NRCAM: variants seen among roughly 807,000 people sequenced by gnomAD.
The protein encoded by NRCAM is neuronal cell adhesion molecule.
In NRCAM, 83 loss-of-function variants were observed where a neutral mutation model predicts 156.5. The observed-to-expected ratio is 0.53, with a 90% CI of 0.44 to 0.64. NRCAM has a LOEUF of 0.64. Ranked by LOEUF, NRCAM falls within the 30% of genes least tolerant of loss-of-function variation. NRCAM has a pLI of 0.00. For synonymous variants in NRCAM, 538 were observed against 563.9 expected (o/e 0.95, Z 0.65); for missense variants, 1,417 against 1,597.3 (o/e 0.89, Z 1.92).
intron 1 of NRCAM, among the ~76,000 whole-genome samples, chr7:108,442,451 G>A (rs1359410365): frequency 6.6e-6 from 1 of 152,194 alleles, no homozygotes; most frequent in Non-Finnish European, 1.5e-5. Flanking sequence ...CCACAACACA[G>A]CCTATTTCCA....
At chr7:108,311,612 T>C (rs1235443766) in intron 3 of NRCAM, among the ~76,000 whole-genome samples, 1 of 152,208 alleles carries the variant, frequency 6.6e-6, no homozygotes, top group Non-Finnish European at 1.5e-5. Flanking sequence ...ACATTCTTAG[T>C]TTCCAGTCTA....
Position 108,175,362 on chromosome 7 carries a change from A to T in NRCAM, c.3152-5T>A. 1 of 1,561,802 alleles carries T rather than the reference A, an allele frequency of 6.4e-7. No individual in the cohort carries two copies. Among genetic ancestry groups the T allele is most frequent in the Non-Finnish European group, 8.7e-7 (1 of 1,151,724 alleles). On this transcript the variant is annotated splice_polypyrimidine_tract_variant and splice_region_variant and intron_variant, in intron 27 of 32. Coordinates refer to ENST00000379028, the MANE Select transcript of NRCAM (RefSeq NM_001037132.4). Reference sequence around the variant, plus strand: ...CATCAGGTGGAAGAATACCAGCTTTAATGAAGGGAAACAGAAATAGGACAC... The same window carrying T: ...CATCAGGTGGAAGAATACCAGCTTTTATGAAGGGAAACAGAAATAGGACAC...
chr7:108,364,530 T>C (rs1327855525), intron 2 of NRCAM, among the ~76,000 whole-genome samples: 1 of 152,142 alleles, frequency 6.6e-6, no homozygotes, highest in African/African-American at 2.4e-5. Flanking sequence ...ACTGAAAGCA[T>C]ATATCCACAC....
chr7:108,318,472 T>C (rs2098958618), intron 2 of NRCAM, among the ~76,000 whole-genome samples: 1 of 152,126 alleles, frequency 6.6e-6, no homozygotes, highest in Admixed American at 6.5e-5. Context: ...ATACACAACA[T>C]TGTGAGGCTG....
intron 17 of NRCAM, among the ~76,000 whole-genome samples, chr7:108,192,693 T>G (rs984237534): frequency 6.6e-6 from 1 of 152,180 alleles, no homozygotes; most frequent in South Asian, 2.1e-4. Context: ...TTCAGTTCAA[T>G]TTCTATCAAA....
At chr7:108,411,467 AACTT>A (rs1795235185) in intron 1 of NRCAM, among the ~76,000 whole-genome samples, 1 of 152,222 alleles carries the variant, frequency 6.6e-6, no homozygotes, top group Non-Finnish European at 1.5e-5. Flanking sequence ...GCTATTTTAC[AACTT>A]ACTTTTTAAA....
chr7:108,235,762 A>T (rs897296228), intron 5 of NRCAM, among the ~76,000 whole-genome samples: 1 of 152,154 alleles, frequency 6.6e-6, no homozygotes, highest in Non-Finnish European at 1.5e-5. Flanking sequence ...GATAGAGGCC[A>T]GGGATGTTGC....
At chr7:108,188,266 A>T (rs1467490195) in intron 20 of NRCAM, among the ~76,000 whole-genome samples, 1 of 152,126 alleles carries the variant, frequency 6.6e-6, no homozygotes, top group East Asian at 1.9e-4. Flanking sequence ...CACCCCAAGG[A>T]GCATGGCCTC....
At chr7:108,301,505 C>A (rs1394859905) in intron 3 of NRCAM, among the ~76,000 whole-genome samples, 1 of 152,194 alleles carries the variant, frequency 6.6e-6, no homozygotes, top group Non-Finnish European at 1.5e-5. Flanking sequence ...CAGAAGAAAA[C>A]AGGCAGGGTG....
intron 8 of NRCAM, among the ~76,000 whole-genome samples, chr7:108,227,880 GA>G (rs2093728004): frequency 6.6e-6 from 1 of 152,184 alleles, no homozygotes; most frequent in Non-Finnish European, 1.5e-5. Context: ...CCCTCAGGCA[GA>G]AAAAGGCAGG....
intron 3 of NRCAM, among the ~76,000 whole-genome samples, chr7:108,262,334 G>C (rs1415880733): frequency 1.3e-5 from 2 of 152,142 alleles, no homozygotes; most frequent in African/African-American, 2.4e-5. Context: ...GTGTGTGTGT[G>C]TGTTTGATGT....
At chr7:108,313,709 T>C (rs932987201) in intron 2 of NRCAM, among the ~76,000 whole-genome samples, 1 of 152,238 alleles carries the variant, frequency 6.6e-6, no homozygotes, top group South Asian at 2.1e-4. Flanking sequence ...GAAGCAATGA[T>C]ATTTTATCAG....
At chr7:108,174,888 A>T (rs1203541090) in intron 28 of NRCAM, among the ~76,000 whole-genome samples, 1 of 152,224 alleles carries the variant, frequency 6.6e-6, no homozygotes, top group African/African-American at 2.4e-5. Context: ...CCGAGTGTAC[A>T]CTGTGTCTAC....
chr7:108,454,745 C>A (rs970706413), intron 1 of NRCAM, among the ~76,000 whole-genome samples: 1 of 152,208 alleles, frequency 6.6e-6, no homozygotes, highest in African/African-American at 2.4e-5. Context: ...GCTCCTGGTG[C>A]ACAACCAATG....
intron 3 of NRCAM, among the ~76,000 whole-genome samples, chr7:108,269,465 G>T (rs1217775694): frequency 1.3e-5 from 2 of 152,110 alleles, no homozygotes; most frequent in Admixed American, 6.5e-5. Flanking sequence ...TATGAGACCA[G>T]GGGTCTGTCT....
chr7:108,198,301 T>G lies in NRCAM; in HGVS notation c.1208-202A>C, dbSNP rs1019746971. ...GCAAGGGTATGTGCTCAATATTCAT[T>G]TAGTCTTAAGTCGATTGATTCTGTA... On this transcript the variant is annotated intron_variant, in intron 13 of 32. Transcript: ENST00000379028. Among the ~76,000 whole-genome samples, 11 of 152,338 alleles carry G rather than the reference T, an allele frequency of 7.2e-5. 1 individual carries two copies. The Middle Eastern group carries it at 0.01, about 141-fold the overall frequency.
At chr7:108,316,069 A>G (rs1458409899) in intron 2 of NRCAM, among the ~76,000 whole-genome samples, 2 of 152,240 alleles carry the variant, frequency 1.3e-5, no homozygotes, top group African/African-American at 4.8e-5. Context: ...CATATGTGGG[A>G]AACTTAATCA....
intron 30 of NRCAM, among the ~76,000 whole-genome samples, chr7:108,164,210 A>AAT (rs2051932781): frequency 6.8e-6 from 1 of 146,792 alleles, no homozygotes; most frequent in Non-Finnish European, 1.5e-5. Context: ...GGGGTGGGGT[A>AAT]GTGAGAGGTC....
intron 2 of NRCAM, among the ~76,000 whole-genome samples, chr7:108,347,036 T>TG (rs1594522973): frequency 7.5e-6 from 1 of 133,872 alleles, no homozygotes; most frequent in Non-Finnish European, 1.6e-5. Context: ...ATTTCTGTTT[T>TG]TTTTTTTTTT....
Sources: allele counts gnomAD v4.1 joint callset (sites outside exome capture counted in the v4.1 genomes callset), GRCh38; gene constraint gnomAD v4.1.1; transcripts MANE v1.5; gene names NCBI Gene and HGNC (gene_info 2026-07-23, HGNC 2026-07-21).